SYT13: variants seen among roughly 807,000 people sequenced by gnomAD.
SYT13 encodes the protein synaptotagmin-13.
SYT13 carries 21 observed loss-of-function variants against 38.6 expected under a neutral mutation model. The ratio of observed to expected loss-of-function variants is 0.54; its 90% CI spans 0.39 to 0.78. The LOEUF is 0.78. Ranked by LOEUF, SYT13 falls within the 30% of genes least tolerant of loss-of-function variation. The probability of loss-of-function intolerance (pLI) is 0.00; values close to 1 mark genes in which losing one functional copy is unlikely to be tolerated. For missense variants in SYT13, 495 were observed against 548.7 expected (o/e 0.90, Z 0.98); for synonymous variants, 241 against 237.6 (o/e 1.01, Z -0.13).
Position 45,254,257 on chromosome 11 carries a change from A to C in SYT13, c.544+13T>G. On this transcript the variant is annotated intron_variant, in intron 3 of 5. Coordinates refer to ENST00000020926, the MANE Select transcript of SYT13 (RefSeq NM_020826.3). ...ACACACAGAAGCCCACGAGAGTCAAATAAGAGCCATACCTTCCAGGCGAGT... is the reference window on the plus strand; with the variant it reads ...ACACACAGAAGCCCACGAGAGTCAACTAAGAGCCATACCTTCCAGGCGAGT... 1 of 1,602,806 alleles carries C rather than the reference A, an allele frequency of 6.2e-7. No homozygotes were observed. Among genetic ancestry groups the C allele is most frequent in the Middle Eastern group, 1.7e-4 (1 of 5,982 alleles).
chr11:45,244,031 G>A lies in SYT13; in HGVS notation c.*21C>T. On this transcript the variant is annotated 3_prime_UTR_variant, in exon 6 of 6. Transcript: ENST00000020926. ...AGGACGGGTCAGGGCTGTCCAAGAAGGGAGGCAGCTGGGCAGCTGGTTACA... is the reference window on the plus strand; with the variant it reads ...AGGACGGGTCAGGGCTGTCCAAGAAAGGAGGCAGCTGGGCAGCTGGTTACA... The A allele has an allele frequency of 1.3e-6, 2 of 1,576,608 alleles. No individual in the cohort carries two copies. The highest frequency in any genetic ancestry group is 8.6e-7 in the Non-Finnish European group (1 of 1,164,978).
In SYT13 at chr11:45,241,985, G is replaced by A. The variant is rs1854557213; in HGVS notation, c.*2067C>T. 1 of 152,134 alleles carries A rather than the reference G, an allele frequency of 6.6e-6. No homozygotes were observed. The highest frequency in any genetic ancestry group is 2.4e-5 in the African/African-American group (1 of 41,430). 9.4% of individuals were successfully genotyped at this position (152,134 alleles called of 1,614,324 possible). On this transcript the variant is annotated 3_prime_UTR_variant, in exon 6 of 6. Transcript: ENST00000020926. ...CTGTTTTTTCAGAGGATGGTTAGAA[G>A]TTATTTCTAATGCTTTTCTATTTCT...
chr11:45,274,567 C>A (rs751995), intron 1 of SYT13, among the ~76,000 whole-genome samples: 1 of 151,990 alleles, frequency 6.6e-6, no homozygotes, highest in Non-Finnish European at 1.5e-5. Context: ...TAAGATGCTC[C>A]GCGATATGCT....
In SYT13 at chr11:45,252,595, G is replaced by A. The variant is rs754654780; in HGVS notation, c.672C>T (p.Gly224=). Residue 224 remains glycine, a synonymous_variant, in exon 4 of 6, where the codon GGC becomes GGT. Transcript: ENST00000020926. The surrounding 1 kb of genome is among the most constrained non-coding windows in gnomAD (Gnocchi z 4.3). ...KRQLHTTWEE[G]LVLPLAEEEL... is the part of the protein sequence containing the mutation. ...CCTCCTCCGCCAGGGGGAGCACCAG[G>A]CCCTCCTCCCAGGTGGTGTGCAGCT... is the stretch of plus-strand genomic sequence containing the variant. The A allele has an allele frequency of 1.4e-5, 23 of 1,614,140 alleles. No homozygotes were observed. Among genetic ancestry groups the A allele is most frequent in the Non-Finnish European group, 1.9e-5 (22 of 1,180,012 alleles).
rs972932066 is a variant in SYT13 at position 45,285,418 on chromosome 11, G to A, written c.183+607C>T. Among the ~76,000 whole-genome samples, 6 of 152,290 alleles carry A rather than the reference G, an allele frequency of 3.9e-5. No individual in the cohort carries two copies. In the South Asian group the frequency reaches 1.2e-3, roughly 32 times the overall value. ...GGCTGGAGCTCAGAGCTGCTAGGGG[G>A]TGGGGAAGAGTCCTTCAGGTTCCTC... On this transcript the variant is annotated intron_variant, in intron 1 of 5. Transcript: ENST00000020926.
chr11:45,245,367 A>T (rs1854601527), intron 5 of SYT13, among the ~76,000 whole-genome samples: 1 of 152,228 alleles, frequency 6.6e-6, no homozygotes, highest in Non-Finnish European at 1.5e-5. Flanking sequence ...GAGAGAGTTG[A>T]GAGACGAAGT....
In SYT13 at chr11:45,246,559, C is replaced by A. The variant is rs375303810; in HGVS notation, c.847-47G>T. ...AGGAGGGGAGTCTCACCTGGGGACG[C>A]CTTCCAACCCATCAACAAATGCTGA... is the stretch of plus-strand genomic sequence containing the variant. On this transcript the variant is annotated intron_variant, in intron 4 of 5. Coordinates refer to ENST00000020926, the MANE Select transcript of SYT13 (RefSeq NM_020826.3). The A allele has an allele frequency of 5.9e-4, 937 of 1,595,722 alleles. 2 individuals are homozygous for A. The highest frequency in any genetic ancestry group is 7.1e-4 in the Non-Finnish European group (830 of 1,171,866).
At chr11:45,246,616 C>T (rs900106197) in intron 4 of SYT13, 104 bp from the exon 5 acceptor site, 20 of 1,468,902 alleles carry the variant, frequency 1.4e-5, no homozygotes, top group Middle Eastern at 1.8e-4. Flanking sequence ...GCATCCAACA[C>T]GCATCCTTGA....
intron 1 of SYT13, among the ~76,000 whole-genome samples, chr11:45,265,821 C>T (rs958222640): frequency 6.6e-6 from 1 of 152,114 alleles, no homozygotes; most frequent in African/African-American, 2.4e-5. Flanking sequence ...GAATTATCAA[C>T]CCAAAATGTC....
At chr11:45,262,766 CACAA>C (rs72169270) in intron 1 of SYT13, among the ~76,000 whole-genome samples, 7,112 of 70,360 alleles carry the variant, frequency 0.1, 338 homozygotes, top group African/African-American at 0.18. Context: ...CACACACACA[CACAA>C]ATTGAACTGT....
Position 45,256,452 on chromosome 11 carries a change from A to C in SYT13, c.184-561T>G, listed in dbSNP as rs572391222. ...CTTCCAGCCCCTAACTTTTCCTCCC[A>C]AACTGTCCACCCCTACCTCCACCTG... On this transcript the variant is annotated intron_variant, in intron 1 of 5. Transcript: ENST00000020926. 5.3e-5 allele frequency among the ~76,000 whole-genome samples: 8 copies of C among 152,096 alleles called. No individual in the cohort carries two copies. In the East Asian group the frequency reaches 1.5e-3, roughly 29 times the overall value.
intron 1 of SYT13, 155 bp downstream of exon 1, chr11:45,285,870 A>T: frequency 2.4e-6 from 1 of 409,630 alleles, no homozygotes; most frequent in Non-Finnish European, 4.4e-6. Flanking sequence ...TACCTTTTTG[A>T]CTCCTTGACC....
At chr11:45,272,751 T>C (rs897098555) in intron 1 of SYT13, among the ~76,000 whole-genome samples, 3 of 152,216 alleles carry the variant, frequency 2.0e-5, no homozygotes, top group African/African-American at 7.2e-5. Flanking sequence ...TCCAGGCTTT[T>C]TGAAATGAGA....
intron 1 of SYT13, among the ~76,000 whole-genome samples, chr11:45,282,417 G>T (rs1018787901): frequency 6.6e-6 from 1 of 152,186 alleles, no homozygotes; most frequent in Non-Finnish European, 1.5e-5. Flanking sequence ...ATGAATGGCC[G>T]AGGGCTGCCT....
intron 4 of SYT13, among the ~76,000 whole-genome samples, chr11:45,248,353 T>C (rs1487565339): frequency 6.6e-6 from 1 of 152,086 alleles, no homozygotes; most frequent in African/African-American, 2.4e-5. Context: ...TAAACATTTG[T>C]GAAAAAAGGG....
intron 1 of SYT13, among the ~76,000 whole-genome samples, chr11:45,280,010 C>T (rs1855053289): frequency 6.6e-6 from 1 of 152,184 alleles, no homozygotes; most frequent in Admixed American, 6.5e-5. Flanking sequence ...CTGATCATGG[C>T]AATTGCTTGT....
chr11:45,251,347 C>CCACT (rs1854671602), intron 4 of SYT13, among the ~76,000 whole-genome samples: 2 of 140,486 alleles, frequency 1.4e-5, no homozygotes, highest in South Asian at 4.6e-4. Flanking sequence ...CGAGATCGCG[C>CCACT]CACTGCACTC....
intron 4 of SYT13, among the ~76,000 whole-genome samples, chr11:45,249,269 T>A (rs1360632211): frequency 6.6e-6 from 1 of 152,172 alleles, no homozygotes; most frequent in East Asian, 1.9e-4. Flanking sequence ...GGAGAGGATG[T>A]GGAGAAAAAG....
chr11:45,252,805 G>A lies in SYT13; in HGVS notation c.545-83C>T, dbSNP rs1854696130. On this transcript the variant is annotated intron_variant, in intron 3 of 5. Transcript: ENST00000020926. The surrounding 1 kb of genome is among the most constrained non-coding windows in gnomAD (Gnocchi z 4.3). ...AGAAGCACGCCTTGCTTAGGGCTGT[G>A]GAATCCAGCTTAACGACGTGACCTT... 7.0e-7 allele frequency: 1 copy of A among 1,437,630 alleles called. No individual in the cohort carries two copies. The highest frequency in any genetic ancestry group is 9.3e-7 in the Non-Finnish European group (1 of 1,077,936). The allele number at this position is 1,437,630 out of a possible 1,614,324, so 89.1% of individuals were successfully genotyped here.
Sources: gnomAD v4.1 joint callset for allele counts (sites outside exome capture counted in the v4.1 genomes callset) on GRCh38, gnomAD v4.1.1 for gene constraint, Gnocchi (gnomAD v3.1) non-coding constraint, MANE v1.5 for transcripts, NCBI Gene and HGNC (gene_info 2026-07-23, HGNC 2026-07-21) for gene names.